The following ARHGEF28 variants were observed in gnomAD, a reference collection of about 807,000 sequenced individuals.
The protein encoded by ARHGEF28 is Rho guanine nucleotide exchange factor 28.
ARHGEF28 carries 152 observed loss-of-function variants against 206.6 expected under a neutral mutation model. The ratio of observed to expected loss-of-function variants is 0.74; its 90% CI spans 0.64 to 0.84. The LOEUF (loss-of-function observed/expected upper bound fraction) is 0.84. Ranked by LOEUF, ARHGEF28 falls within the 40% of genes least tolerant of loss-of-function variation. The pLI is 0.00. For synonymous variants in ARHGEF28, 763 were observed against 776.4 expected (o/e 0.98, Z 0.29); for missense variants, 2,028 against 2,073.2 (o/e 0.98, Z 0.42).
intron 2 of ARHGEF28, among the ~76,000 whole-genome samples, chr5:73,709,918 A>G (rs1189080779): frequency 6.6e-6 from 1 of 152,096 alleles, no homozygotes; most frequent in Non-Finnish European, 1.5e-5. Context: ...TTGTTCCTTT[A>G]TATTGCTGAG....
intron 9 of ARHGEF28, among the ~76,000 whole-genome samples, chr5:73,826,132 T>C (rs1756891272): frequency 6.6e-6 from 1 of 152,136 alleles, no homozygotes; most frequent in South Asian, 2.1e-4. Context: ...CCTGGTGTCC[T>C]GGAGGATAAG....
At chr5:73,742,590 C>T (rs950757768) in intron 2 of ARHGEF28, among the ~76,000 whole-genome samples, 72 of 150,902 alleles carry the variant, frequency 4.8e-4, no homozygotes, top group Non-Finnish European at 8.7e-4. Flanking sequence ...TTTGGGAGGC[C>T]GAGGCGGGTG....
At position 73,846,933 on chromosome 5, in the gene ARHGEF28, C is replaced by T. The variant is rs527834094; in HGVS notation, c.1635+458C>T. On this transcript the variant is annotated intron_variant, in intron 12 of 35. Coordinates refer to ENST00000513042, the MANE Select transcript of ARHGEF28 (RefSeq NM_001177693.2). ...GCATTTCTGGCTGCTTGAACTAATCCGGAATATCACAGATTTTGTCAACTT... is the reference window on the plus strand; with the variant it reads ...GCATTTCTGGCTGCTTGAACTAATCTGGAATATCACAGATTTTGTCAACTT... Among the ~76,000 whole-genome samples the T allele has an allele frequency of 4.6e-5, 7 of 152,236 alleles. No homozygotes were observed. In the East Asian group the frequency reaches 7.7e-4, roughly 17 times the overall value.
chr5:73,819,718 T>A (rs573338003), intron 9 of ARHGEF28, among the ~76,000 whole-genome samples: 1 of 152,296 alleles, frequency 6.6e-6, no homozygotes, highest in Admixed American at 6.5e-5. Context: ...AAGGCTTGGA[T>A]GCTTAATTCT....
intron 2 of ARHGEF28, among the ~76,000 whole-genome samples, chr5:73,738,883 T>A (rs1334609618): frequency 1.3e-5 from 2 of 152,306 alleles, no homozygotes. Flanking sequence ...ATAATAACCA[T>A]GTGAGGTTAC....
rs530536589 is a variant in ARHGEF28 at position 73,907,661 on chromosome 5, T to C, written c.4162-1751T>C. Among the ~76,000 whole-genome samples, 61 of 152,302 alleles carry C rather than the reference T, an allele frequency of 4.0e-4. No individual in the cohort carries two copies. In the Middle Eastern group the frequency reaches 0.01, roughly 25 times the overall value. ...AGCAAAGTAAAGTTAAGAGAGTGAA[T>C]TGGGAATTTCCCTAAACTTGAAAAG... On this transcript the variant is annotated intron_variant, in intron 33 of 35. Transcript: ENST00000513042.
intron 2 of ARHGEF28, among the ~76,000 whole-genome samples, chr5:73,695,483 T>C (rs754617816): frequency 1.3e-5 from 2 of 152,202 alleles, no homozygotes; most frequent in Non-Finnish European, 2.9e-5. Context: ...CCAGCTGGCC[T>C]GTTTGCTATT....
At chr5:73,649,851 G>A (rs1744686351) in intron 1 of ARHGEF28, among the ~76,000 whole-genome samples, 1 of 152,188 alleles carries the variant, frequency 6.6e-6, no homozygotes, top group South Asian at 2.1e-4. Context: ...GGCAAAGAAA[G>A]GAGGCTGGTG....
chr5:73,721,647 A>G (rs894385963), intron 2 of ARHGEF28, among the ~76,000 whole-genome samples: 2 of 151,838 alleles, frequency 1.3e-5, no homozygotes, highest in African/African-American at 2.4e-5. Context: ...ATCATAGCTC[A>G]CTGCAGCCTG....
intron 9 of ARHGEF28, among the ~76,000 whole-genome samples, chr5:73,809,398 G>A (rs952266725): frequency 1.2e-4 from 19 of 152,234 alleles, no homozygotes; most frequent in Admixed American, 2.6e-4. Flanking sequence ...TTCGCTATGA[G>A]ACAACTAAGG....
chr5:73,908,007 C>T (rs944714139), intron 33 of ARHGEF28, among the ~76,000 whole-genome samples: 1 of 152,138 alleles, frequency 6.6e-6, no homozygotes, highest in Admixed American at 6.6e-5. Flanking sequence ...GTATAGTCTA[C>T]AATTTTCTTT....
At chr5:73,689,466 C>T (rs1747680377) in intron 2 of ARHGEF28, among the ~76,000 whole-genome samples, 1 of 152,164 alleles carries the variant, frequency 6.6e-6, no homozygotes, top group Non-Finnish European at 1.5e-5. Flanking sequence ...CCTTAGCCTC[C>T]CCAGTAGCTG....
chr5:73,718,513 A>C (rs747133306), intron 2 of ARHGEF28, among the ~76,000 whole-genome samples: 1 of 152,140 alleles, frequency 6.6e-6, no homozygotes, highest in Non-Finnish European at 1.5e-5. Flanking sequence ...CCTTGGCTTC[A>C]TGCAGTCCTC....
At chr5:73,736,312 T>C (rs1174298729) in intron 2 of ARHGEF28, among the ~76,000 whole-genome samples, 2 of 152,202 alleles carry the variant, frequency 1.3e-5, no homozygotes, top group Non-Finnish European at 2.9e-5. Flanking sequence ...GACGCAGCAC[T>C]GACCACAGTG....
intron 4 of ARHGEF28, among the ~76,000 whole-genome samples, chr5:73,770,038 G>A (rs1753136586): frequency 6.6e-6 from 1 of 152,174 alleles, no homozygotes; most frequent in African/African-American, 2.4e-5. Context: ...TAATTGAAAG[G>A]TATGGCCAGA....
intron 1 of ARHGEF28, among the ~76,000 whole-genome samples, chr5:73,647,917 C>T (rs1458519288): frequency 6.6e-6 from 1 of 152,204 alleles, no homozygotes; most frequent in Non-Finnish European, 1.5e-5. Flanking sequence ...GCAAAGATTG[C>T]ATCATCTTTT....
chr5:73,723,660 G>A (rs1174510671), intron 2 of ARHGEF28, among the ~76,000 whole-genome samples: 1 of 152,172 alleles, frequency 6.6e-6, no homozygotes, highest in African/African-American at 2.4e-5. Context: ...CCCCCATTAA[G>A]CTCAAGAGGA....
At chr5:73,842,910 C>T (rs1159522342) in intron 11 of ARHGEF28, among the ~76,000 whole-genome samples, 1 of 151,280 alleles carries the variant, frequency 6.6e-6, no homozygotes, top group Non-Finnish European at 1.5e-5. Context: ...TTGCCTGAAT[C>T]CGGGAGGCAC....
chr5:73,886,151 C>A (rs766144831), intron 25 of ARHGEF28, 47 bp downstream of exon 25: 54 of 1,548,808 alleles, frequency 3.5e-5, no homozygotes, highest in South Asian at 1.3e-5. Flanking sequence ...ACACATTATT[C>A]ATTTAACAGA....
Sources: allele counts gnomAD v4.1 joint callset (sites outside exome capture counted in the v4.1 genomes callset), GRCh38; gene constraint gnomAD v4.1.1; transcripts MANE v1.5; gene names NCBI Gene and HGNC (gene_info 2026-07-23, HGNC 2026-07-21).